RBFOX1: variants seen among roughly 807,000 people sequenced by gnomAD.
The protein encoded by RBFOX1 is RNA binding fox-1 homolog 1.
Under a neutral mutation model 57.7 loss-of-function variants are expected in RBFOX1, and 8 were observed. That is an observed-to-expected ratio of 0.14 (90% CI 0.08 to 0.25). RBFOX1 has a LOEUF of 0.25. Among genes scored for constraint, RBFOX1 ranks in the 10% least tolerant of loss-of-function variants. The probability of loss-of-function intolerance (pLI) is 1.00; values close to 1 mark genes in which losing one functional copy is unlikely to be tolerated. For missense variants in RBFOX1, 611 were observed against 548.5 expected, an observed-to-expected ratio of 1.11 and a Z score of -1.14; for synonymous variants, 326 against 222.4, an observed-to-expected ratio of 1.47 and a Z score of -4.15.
At chr16:7,254,519 C>T (rs2094602954) in intron 4 of RBFOX1, among the ~76,000 whole-genome samples, 2 of 151,670 alleles carry the variant, frequency 1.3e-5, no homozygotes, top group African/African-American at 4.8e-5. Flanking sequence ...TCAATATATG[C>T]CCATTTTAGG....
At chr16:5,869,197 A>G (rs2057409550) in intron 4 of RBFOX1, among the ~76,000 whole-genome samples, 1 of 152,100 alleles carries the variant, frequency 6.6e-6, no homozygotes, top group Admixed American at 6.5e-5. Flanking sequence ...TCTGCCAGTC[A>G]TGAAGGACTG....
chr16:7,331,609 C>G (rs1040576479), intron 4 of RBFOX1, among the ~76,000 whole-genome samples: 2 of 152,066 alleles, frequency 1.3e-5, no homozygotes, highest in Non-Finnish European at 2.9e-5. Context: ...CTAATAGCTG[C>G]CGGTACTGCA....
intron 4 of RBFOX1, among the ~76,000 whole-genome samples, chr16:7,460,732 A>G (rs73498387): frequency 0.05 from 7,609 of 152,006 alleles, 624 homozygotes; most frequent in African/African-American, 0.17. Flanking sequence ...TTAAACAATG[A>G]GATATCTAAA....
chr16:7,322,997 C>A (rs887749931), intron 4 of RBFOX1, among the ~76,000 whole-genome samples: 2 of 151,998 alleles, frequency 1.3e-5, no homozygotes, highest in Non-Finnish European at 2.9e-5. Context: ...CTTCTCCAGC[C>A]ATCAAAGTCT....
intron 1 of RBFOX1, among the ~76,000 whole-genome samples, chr16:6,034,612 C>T (rs912272653): frequency 6.6e-6 from 1 of 152,082 alleles, no homozygotes; most frequent in African/African-American, 2.4e-5. Flanking sequence ...TCTAAACAGT[C>T]CTTAATAGTG....
chr16:5,460,127 G>GT (rs1174231562), intron 1 of RBFOX1, among the ~76,000 whole-genome samples: 1 of 152,080 alleles, frequency 6.6e-6, no homozygotes, highest in African/African-American at 2.4e-5. Flanking sequence ...AAGTCGGCAT[G>GT]TTTTTAGTGT....
In RBFOX1 at chr16:5,871,925, A is replaced by G. The variant is rs551396426; in HGVS notation, c.351+4590A>G. Among the ~76,000 whole-genome samples, 165 of 152,292 alleles carry G rather than the reference A, an allele frequency of 1.1e-3. 1 individual carries two copies. Among genetic ancestry groups the G allele is most frequent in the Middle Eastern group, 6.8e-3 (2 of 294 alleles). ...AGCTCTGCTATCCCAAATAATTGCA[A>G]TGGGAAACTACGCAGGTAGCAAACT... On this transcript the variant is annotated intron_variant, in intron 4 of 19. Transcript: ENST00000641259.
intron 3 of RBFOX1, among the ~76,000 whole-genome samples, chr16:6,841,779 A>G (rs1314346637): frequency 6.6e-6 from 1 of 152,128 alleles, no homozygotes; most frequent in Non-Finnish European, 1.5e-5. Context: ...TAAGGGTTCC[A>G]TTCTCAAGCC....
At chr16:6,964,073 C>T (rs896471313) in intron 3 of RBFOX1, among the ~76,000 whole-genome samples, 2 of 151,952 alleles carry the variant, frequency 1.3e-5, no homozygotes, top group Admixed American at 1.3e-4. Context: ...GGCTGGAGTG[C>T]AGTGGTGCAT....
intron 3 of RBFOX1, among the ~76,000 whole-genome samples, chr16:6,974,146 A>G (rs1360051250): frequency 6.6e-6 from 1 of 152,044 alleles, no homozygotes; most frequent in Non-Finnish European, 1.5e-5. Flanking sequence ...CGTGGTGTAT[A>G]TGTACCACAT....
chr16:5,278,446 G>C lies in RBFOX1; in HGVS notation c.219+38341G>C, dbSNP rs117516066. 2.1e-3 allele frequency among the ~76,000 whole-genome samples: 326 copies of C among 152,164 alleles called. 6 individuals are homozygous for C. The East Asian group carries it at 0.04, about 19-fold the overall frequency. On this transcript the variant is annotated intron_variant, in intron 1 of 2. Transcript: ENST00000585867. Reference sequence around the variant, plus strand: ...AACTCTTTGCCCATCACTATGTACCGGCTGGTATTGCCTAGGTCGTCTTCC... The same window carrying C: ...AACTCTTTGCCCATCACTATGTACCCGCTGGTATTGCCTAGGTCGTCTTCC...
chr16:5,393,843 G>A (rs1398843634), intron 1 of RBFOX1, among the ~76,000 whole-genome samples: 2 of 151,980 alleles, frequency 1.3e-5, no homozygotes, highest in African/African-American at 2.4e-5. Context: ...TTCCCAAATA[G>A]AAGCCCCACA....
chr16:7,444,093 C>G (rs1290350137), intron 4 of RBFOX1, among the ~76,000 whole-genome samples: 1 of 152,236 alleles, frequency 6.6e-6, no homozygotes, highest in Non-Finnish European at 1.5e-5. Flanking sequence ...ATGTGCAAAA[C>G]TCTTGATGAA....
At chr16:7,581,346 T>C (rs1223559939) in intron 6 of RBFOX1, among the ~76,000 whole-genome samples, 1 of 152,138 alleles carries the variant, frequency 6.6e-6, no homozygotes, top group African/African-American at 2.4e-5. Flanking sequence ...GTTAAGTGTG[T>C]GTGAGGCAGT....
intron 3 of RBFOX1, among the ~76,000 whole-genome samples, chr16:6,788,154 G>A (rs1423262902): frequency 1.3e-5 from 2 of 152,088 alleles, no homozygotes; most frequent in Non-Finnish European, 2.9e-5. Flanking sequence ...CCTGGGAGGC[G>A]GATGTTGGAG....
intron 3 of RBFOX1, among the ~76,000 whole-genome samples, chr16:7,015,434 T>G (rs540524548): frequency 6.6e-6 from 1 of 152,154 alleles, no homozygotes. Context: ...ATCTGAATCT[T>G]CTGGAGTATA....
intron 2 of RBFOX1, among the ~76,000 whole-genome samples, chr16:6,644,625 C>G (rs1602510770): frequency 6.6e-6 from 1 of 152,168 alleles, no homozygotes; most frequent in African/African-American, 2.4e-5. Context: ...GTGATCCTTA[C>G]TTAGCTTCTC....
intron 1 of RBFOX1, among the ~76,000 whole-genome samples, chr16:6,131,498 G>A (rs1019121094): frequency 1.3e-5 from 2 of 152,132 alleles, no homozygotes; most frequent in Admixed American, 1.3e-4. Context: ...GCTTCTGAAA[G>A]TCACCCTCTA....
intron 3 of RBFOX1, among the ~76,000 whole-genome samples, chr16:6,889,440 G>A (rs896305878): frequency 2.6e-5 from 4 of 152,324 alleles, no homozygotes; most frequent in Admixed American, 6.5e-5. Flanking sequence ...AAAGGAGAAC[G>A]TGGAACAGAT....
Sources: allele counts gnomAD v4.1 joint callset (sites outside exome capture counted in the v4.1 genomes callset), GRCh38; gene constraint gnomAD v4.1.1; transcripts MANE v1.5; gene names NCBI Gene and HGNC (gene_info 2026-07-23, HGNC 2026-07-21).